SNTG1: variants seen among roughly 807,000 people sequenced by gnomAD.
SNTG1 encodes gamma-1-syntrophin.
SNTG1 carries 39 observed loss-of-function variants against 74.7 expected under a neutral mutation model. The observed-to-expected ratio is 0.52, with a 90% CI of 0.40 to 0.68. The LOEUF is 0.68. SNTG1 is among the 30% of genes least tolerant of loss of function. SNTG1 has a pLI of 0.00. For missense variants in SNTG1, 685 were observed against 609.5 expected (o/e 1.12, Z -1.30); for synonymous variants, 254 against 217.1 (o/e 1.17, Z -1.49).
intron 1 of SNTG1, among the ~76,000 whole-genome samples, chr8:50,154,873 G>T (rs1186118309): frequency 6.6e-6 from 1 of 152,112 alleles, no homozygotes; most frequent in Non-Finnish European, 1.5e-5. Flanking sequence ...GTGGAAAAAA[G>T]GTAAAGTCTG....
intron 8 of SNTG1, among the ~76,000 whole-genome samples, chr8:50,496,944 CTGATA>C (rs2093909666): frequency 1.3e-5 from 2 of 149,250 alleles, no homozygotes; most frequent in Admixed American, 1.4e-4. Context: ...CAGTATCAGT[CTGATA>C]TAATATGCAT....
chr8:50,159,205 C>CT (rs1164646039), intron 1 of SNTG1, among the ~76,000 whole-genome samples: 4 of 151,662 alleles, frequency 2.6e-5, no homozygotes, highest in Admixed American at 6.6e-5. Context: ...TTAAATATTC[C>CT]TTTTTTTTCA....
chr8:50,720,843 T>C (rs949295759), intron 17 of SNTG1, among the ~76,000 whole-genome samples: 1 of 152,216 alleles, frequency 6.6e-6, no homozygotes, highest in Non-Finnish European at 1.5e-5. Context: ...GCTACATAAA[T>C]CGTTCTTTCA....
chr8:50,786,726 A>T (rs1050827835), intron 18 of SNTG1, among the ~76,000 whole-genome samples: 7 of 151,998 alleles, frequency 4.6e-5, no homozygotes, highest in Admixed American at 3.9e-4. Context: ...GCTTTTCAAC[A>T]CAGCAGAATG....
chr8:50,706,678 T>C (rs1488198853), intron 16 of SNTG1, among the ~76,000 whole-genome samples: 2 of 152,164 alleles, frequency 1.3e-5, no homozygotes, highest in African/African-American at 2.4e-5. Flanking sequence ...TTTTAGCTTT[T>C]AGTTGTTCTA....
intron 1 of SNTG1, among the ~76,000 whole-genome samples, chr8:50,027,383 TG>T (rs1156616170): frequency 6.6e-6 from 1 of 152,290 alleles, no homozygotes; most frequent in South Asian, 2.1e-4. Flanking sequence ...TGTACTGCGT[TG>T]AACAATGTCT....
chr8:50,101,512 C>A (rs2131232588), intron 1 of SNTG1, among the ~76,000 whole-genome samples: 1 of 152,096 alleles, frequency 6.6e-6, no homozygotes, highest in East Asian at 1.9e-4. Context: ...TTTTGATATG[C>A]ATTTCCTAAT....
chr8:50,401,005 TATC>T lies in SNTG1; in HGVS notation c.28-1202_28-1200del, dbSNP rs201708015. The stretch of plus-strand genomic sequence containing the variant: ...TGTTTAAAGTGATGTATATGCTAAT[TATC>T]ATGATTTGATAATTACACAATATAT... On this transcript the variant is annotated intron_variant, in intron 3 of 18. Coordinates refer to ENST00000642720, the MANE Select transcript of SNTG1 (RefSeq NM_018967.5). Among the ~76,000 whole-genome samples the T allele has an allele frequency of 6.6e-5, 10 of 152,154 alleles. No homozygotes were observed. In the East Asian group the frequency reaches 1.7e-3, roughly 26 times the overall value.
intron 1 of SNTG1, among the ~76,000 whole-genome samples, chr8:50,028,232 A>G (rs1817435719): frequency 1.3e-5 from 2 of 152,144 alleles, no homozygotes; most frequent in South Asian, 4.1e-4. Flanking sequence ...TTTGAGGTTG[A>G]CTTTCCATAT....
chr8:50,544,979 A>G (rs2094376294), intron 11 of SNTG1, among the ~76,000 whole-genome samples: 1 of 152,038 alleles, frequency 6.6e-6, no homozygotes, highest in African/African-American at 2.4e-5. Context: ...TAATATATGT[A>G]TACTACACTT....
chr8:50,060,624 C>T (rs1352054712), intron 1 of SNTG1, among the ~76,000 whole-genome samples: 1 of 152,014 alleles, frequency 6.6e-6, no homozygotes, highest in Non-Finnish European at 1.5e-5. Flanking sequence ...TGACAGCAGA[C>T]ATCTCTCCCT....
intron 1 of SNTG1, among the ~76,000 whole-genome samples, chr8:50,124,740 T>A (rs765011692): frequency 7.1e-6 from 1 of 141,160 alleles, no homozygotes; most frequent in Non-Finnish European, 1.6e-5. Flanking sequence ...CTGCTTGTGC[T>A]AGGCAGTGAG....
intron 1 of SNTG1, among the ~76,000 whole-genome samples, chr8:50,139,062 G>C (rs941640244): frequency 6.6e-6 from 1 of 152,048 alleles, no homozygotes; most frequent in Admixed American, 6.6e-5. Flanking sequence ...GAATCCATTT[G>C]TAATGTGTAT....
At chr8:50,501,116 C>T (rs310556) in intron 8 of SNTG1, among the ~76,000 whole-genome samples, 6 of 152,126 alleles carry the variant, frequency 3.9e-5, no homozygotes, top group African/African-American at 9.7e-5. Context: ...CCGTTGTCAC[C>T]GCTCACTGAT....
chr8:50,771,793 C>T (rs1274810965), intron 18 of SNTG1, among the ~76,000 whole-genome samples: 1 of 151,988 alleles, frequency 6.6e-6, no homozygotes, highest in Non-Finnish European at 1.5e-5. Context: ...CCTGTGCTGC[C>T]TCAGGATGCT....
intron 2 of SNTG1, among the ~76,000 whole-genome samples, chr8:50,263,718 C>G (rs1475746285): frequency 6.6e-6 from 1 of 151,992 alleles, no homozygotes. Context: ...AGTGAAAACA[C>G]AAGTTTGAAT....
At chr8:50,634,483 A>G (rs1479099664) in intron 13 of SNTG1, among the ~76,000 whole-genome samples, 1 of 152,162 alleles carries the variant, frequency 6.6e-6, no homozygotes, top group Non-Finnish European at 1.5e-5. Context: ...CAGTTTTTTA[A>G]CTGAAATTTT....
At chr8:50,745,431 A>C (rs1355484404) in intron 17 of SNTG1, among the ~76,000 whole-genome samples, 1 of 152,012 alleles carries the variant, frequency 6.6e-6, no homozygotes, top group Non-Finnish European at 1.5e-5. Context: ...CATAAATGGA[A>C]GAGTAACCCT....
intron 8 of SNTG1, among the ~76,000 whole-genome samples, chr8:50,489,603 C>T (rs1300235962): frequency 6.6e-6 from 1 of 152,176 alleles, no homozygotes; most frequent in East Asian, 1.9e-4. Flanking sequence ...ATATCCTTTG[C>T]CCACTTTTTG....
Sources: gnomAD v4.1 joint callset for allele counts (sites outside exome capture counted in the v4.1 genomes callset) on GRCh38, gnomAD v4.1.1 for gene constraint, MANE v1.5 for transcripts, NCBI Gene and HGNC (gene_info 2026-07-23, HGNC 2026-07-21) for gene names.